Variants in GDNF observed in about 807,000 individuals in gnomAD.
The protein encoded by GDNF is glial cell derived neurotrophic factor.
Under a neutral mutation model 13.7 loss-of-function variants are expected in GDNF, and 5 were observed. The ratio of observed to expected loss-of-function variants is 0.36; its 90% confidence interval spans 0.19 to 0.77. The LOEUF (loss-of-function observed/expected upper bound fraction) is 0.77. Among genes scored for constraint, GDNF ranks in the 30% least tolerant of loss-of-function variants. GDNF has a pLI of 0.51. For missense variants in GDNF, 246 were observed against 274.3 expected (o/e 0.90, Z 0.73); for synonymous variants, 122 against 112.5 (o/e 1.08, Z -0.53).
At chr5:37,832,199 TA>T (rs1750546704) in intron 2 of GDNF, among the ~76,000 whole-genome samples, 1 of 152,252 alleles carries the variant, frequency 6.6e-6, no homozygotes, top group South Asian at 2.1e-4. Flanking sequence ...AAGTTACAAG[TA>T]TTTGGATGGA....
At chr5:37,829,766 G>A (rs967121809) in intron 2 of GDNF, among the ~76,000 whole-genome samples, 2 of 152,194 alleles carry the variant, frequency 1.3e-5, no homozygotes, top group African/African-American at 4.8e-5. Context: ...TCAGCCTAAG[G>A]TCCTGACTGG....
rs951685723 is a variant in GDNF, at chr5:37,814,710, C to G, written c.*941G>C. 1 of 152,198 alleles carries G rather than the reference C, an allele frequency of 6.6e-6. No individual in the cohort carries two copies. Among genetic ancestry groups the G allele is most frequent in the Non-Finnish European group, 1.5e-5 (1 of 68,034 alleles). The allele number at this position is 152,198 out of a possible 1,614,324, so 9.4% of individuals were successfully genotyped here. On this transcript the variant is annotated 3_prime_UTR_variant, in exon 3 of 3. Transcript: ENST00000326524. ...ACTTAAATTTCAATAAATATCTTCTCTATATTTCTGTATCTGAAACAGATG... is the reference window on the plus strand; with the variant it reads ...ACTTAAATTTCAATAAATATCTTCTGTATATTTCTGTATCTGAAACAGATG...
At chr5:37,820,647 A>T (rs1750102085) in intron 2 of GDNF, among the ~76,000 whole-genome samples, 1 of 152,124 alleles carries the variant, frequency 6.6e-6, no homozygotes, top group Admixed American at 6.5e-5. Flanking sequence ...CTGGTGGGGG[A>T]TGTTGACAAT....
At chr5:37,836,667 C>T (rs928145257) in intron 1 of GDNF, among the ~76,000 whole-genome samples, 3 of 152,214 alleles carry the variant, frequency 2.0e-5, no homozygotes, top group Non-Finnish European at 4.4e-5. Flanking sequence ...CCCCTCAAGC[C>T]CCCCGCCGGT....
chr5:37,816,311 G>T lies in GDNF; in HGVS notation c.152-176C>A, dbSNP rs143377518. ...AAAACAGAGGCAAAAATGCACAGAA[G>T]AAAGATGATTTAGTTGGAAGAGGAG... is the stretch of plus-strand genomic sequence containing the variant. On this transcript the variant is annotated intron_variant, in intron 2 of 2. Coordinates refer to ENST00000326524, the MANE Select transcript of GDNF (RefSeq NM_000514.4). 1.7e-3 allele frequency among the ~76,000 whole-genome samples: 266 copies of T among 152,304 alleles called. 1 individual carries two copies. The highest frequency in any genetic ancestry group is 0.01 in the Middle Eastern group (3 of 294).
rs150577324 is a variant in GDNF, at chr5:37,815,487, TTCC to T, written c.*161_*163del. On this transcript the variant is annotated 3_prime_UTR_variant, in exon 3 of 3. Transcript: ENST00000326524. This position sits in a 1 kb window ranked among gnomAD's most constrained non-coding sequence, Gnocchi z 5.0. Reference sequence around the variant, plus strand: ...CTACCAGGCTCCCATGATGGCTGCCTTCCTCCTCCTCCTCCTCCTCCTCCTCCT... The same window carrying T: ...CTACCAGGCTCCCATGATGGCTGCCTTCCTCCTCCTCCTCCTCCTCCTCCT... The T allele has an allele frequency of 0.13, 81,511 of 615,264 alleles. 5,752 individuals carry two copies. Among genetic ancestry groups the T allele is most frequent in the East Asian group, 0.31 (10,668 of 34,768 alleles). 38.1% of individuals were successfully genotyped at this position (615,264 alleles called of 1,614,324 possible). A position where few individuals can be genotyped will look rare whatever the true frequency, so the allele number is the denominator to read the frequency against.
At chr5:37,816,178 A>G in intron 2 of GDNF, 43 bp from the exon 3 acceptor site, 1 of 1,608,620 alleles carries the variant, frequency 6.2e-7, no homozygotes, top group Non-Finnish European at 8.5e-7. Context: ...AGACAAAATG[A>G]TCATTTCAAG....
rs150577324 is a variant in GDNF, at chr5:37,815,487, TTCCTCC to T, written c.*158_*163del. 22,874 of 635,632 alleles carry T rather than the reference TTCCTCC, an allele frequency of 0.036. 564 individuals are homozygous for T. The highest frequency in any genetic ancestry group is 0.04 in the Non-Finnish European group (14,528 of 360,790). 39.4% of individuals were successfully genotyped at this position (635,632 alleles called of 1,614,324 possible). A position where few individuals can be genotyped will look rare whatever the true frequency, so the allele number is the denominator to read the frequency against. ...CTACCAGGCTCCCATGATGGCTGCC[TTCCTCC>T]TCCTCCTCCTCCTCCTCCTCCTCCT... On this transcript the variant is annotated 3_prime_UTR_variant, in exon 3 of 3. Coordinates refer to ENST00000326524, the MANE Select transcript of GDNF (RefSeq NM_000514.4). This position sits in a 1 kb window ranked among gnomAD's most constrained non-coding sequence, Gnocchi z 5.0.
intron 2 of GDNF, chr5:37,823,519 C>T (rs1207496885): frequency 5.3e-5 from 8 of 152,222 alleles, no homozygotes. Context: ...GGGCATTTCT[C>T]CTGTGTCCTG....
chr5:37,832,758 G>C (rs1369127962), intron 2 of GDNF, among the ~76,000 whole-genome samples: 2 of 152,184 alleles, frequency 1.3e-5, no homozygotes, highest in African/African-American at 4.8e-5. Flanking sequence ...ATTCAAGTCT[G>C]GTTGCACATT....
chr5:37,822,925 T>C (rs993283697), intron 2 of GDNF, among the ~76,000 whole-genome samples: 4 of 152,262 alleles, frequency 2.6e-5, no homozygotes, highest in African/African-American at 9.6e-5. Flanking sequence ...CTTTCACTAA[T>C]ATTGGAATAT....
chr5:37,819,396 G>C (rs1750040549), intron 2 of GDNF, among the ~76,000 whole-genome samples: 2 of 151,456 alleles, frequency 1.3e-5, no homozygotes, highest in Non-Finnish European at 2.9e-5. Flanking sequence ...AAAGCTCTCT[G>C]GTCCCTGAGT....
At position 37,814,550 on chromosome 5, in the gene GDNF, T is replaced by C. The variant is rs572698379; in HGVS notation, c.*1101A>G. Reference sequence around the variant, plus strand: ...ATACTTTGAAAAGCATGGACCCTTGTTCCCAATTCAAATTTCCTTTTGTCA... The same window carrying C: ...ATACTTTGAAAAGCATGGACCCTTGCTCCCAATTCAAATTTCCTTTTGTCA... On this transcript the variant is annotated 3_prime_UTR_variant, in exon 3 of 3. Coordinates refer to ENST00000326524, the MANE Select transcript of GDNF (RefSeq NM_000514.4). 6.6e-6 allele frequency: 1 copy of C among 152,344 alleles called. No homozygotes were observed. The highest frequency in any genetic ancestry group is 1.9e-4 in the East Asian group (1 of 5,194). 9.4% of individuals were successfully genotyped at this position (152,344 alleles called of 1,614,324 possible).
intron 2 of GDNF, among the ~76,000 whole-genome samples, chr5:37,828,862 T>G (rs2111693061): frequency 6.6e-6 from 1 of 152,358 alleles, no homozygotes; most frequent in African/African-American, 2.4e-5. Flanking sequence ...GGCTAATAGT[T>G]TGGTTCAATT....
intron 2 of GDNF, among the ~76,000 whole-genome samples, chr5:37,828,648 T>C (rs1750414805): frequency 6.6e-6 from 1 of 152,184 alleles, no homozygotes; most frequent in Admixed American, 6.5e-5. Flanking sequence ...GCTTCACCAC[T>C]TACTAGGTTT....
chr5:37,821,773 T>C (rs765212791), intron 2 of GDNF, among the ~76,000 whole-genome samples: 25 of 152,168 alleles, frequency 1.6e-4, no homozygotes, highest in Admixed American at 3.3e-4. Flanking sequence ...AACAAAGGAC[T>C]GAGATAGTGA....
At chr5:37,823,905 G>A (rs189546411) in intron 2 of GDNF, 29 of 220,740 alleles carry the variant, frequency 1.3e-4, no homozygotes, top group Non-Finnish European at 2.1e-4. Context: ...ACCACCTCTG[G>A]CTGACGCCCC....
At chr5:37,824,735 T>G (rs116214935) in intron 2 of GDNF, among the ~76,000 whole-genome samples, 3,124 of 152,350 alleles carry the variant, frequency 0.021, 42 homozygotes, top group Non-Finnish European at 0.032. Flanking sequence ...ATCTAGTGTT[T>G]GGTAGACCGT....
At chr5:37,819,879 TAAAAA>T (rs145804363) in intron 2 of GDNF, among the ~76,000 whole-genome samples, 2 of 151,010 alleles carry the variant, frequency 1.3e-5, no homozygotes, top group Admixed American at 1.3e-4. Context: ...ACAATTGACT[TAAAAA>T]AAAATGAGCT....
Sources: allele counts gnomAD v4.1 joint callset (sites outside exome capture counted in the v4.1 genomes callset), GRCh38; gene constraint gnomAD v4.1.1; non-coding constraint Gnocchi (gnomAD v3.1); transcripts MANE v1.5; gene names NCBI Gene and HGNC (gene_info 2026-07-23, HGNC 2026-07-21).